The following NAALAD2 variants were observed in gnomAD, a reference collection of about 807,000 sequenced individuals.
NAALAD2 encodes N-acetylated alpha-linked acidic dipeptidase 2.
Under a neutral mutation model 95.6 loss-of-function variants are expected in NAALAD2, and 89 were observed. The ratio of observed to expected loss-of-function variants is 0.93; its 90% CI spans 0.78 to 1.11. NAALAD2 has a LOEUF of 1.11. NAALAD2 is among the 50% of genes least tolerant of loss of function. The pLI is 0.00. For missense variants in NAALAD2, 894 were observed against 872.4 expected (o/e 1.02, Z -0.31); for synonymous variants, 264 against 294.4 (o/e 0.90, Z 1.06).
chr11:90,186,299 AT>A (rs1857140416), intron 18 of NAALAD2, among the ~76,000 whole-genome samples: 1 of 151,646 alleles, frequency 6.6e-6, no homozygotes, highest in Non-Finnish European at 1.5e-5. Context: ...GTTCTTGGCG[AT>A]AGTTTACTGA....
At chr11:90,154,055 GTCTC>G (rs34657706) in intron 6 of NAALAD2, among the ~76,000 whole-genome samples, 5 of 131,598 alleles carry the variant, frequency 3.8e-5, no homozygotes, top group African/African-American at 8.4e-5. Flanking sequence ...CTCTCTCTCT[GTCTC>G]TCTCTCTCTT....
chr11:90,181,942 T>C (rs1952985703), intron 17 of NAALAD2, among the ~76,000 whole-genome samples: 1 of 148,348 alleles, frequency 6.7e-6, no homozygotes, highest in African/African-American at 2.5e-5. Context: ...CGCCCTTCAA[T>C]GATTTATACT....
At position 90,177,849 on chromosome 11, in the gene NAALAD2, TCAGA is replaced by T; in HGVS notation, c.1594-3_1594del. On this transcript the variant is annotated splice_acceptor_variant and splice_polypyrimidine_tract_variant and coding_sequence_variant and intron_variant, in exon 16 of 19. Coordinates refer to ENST00000534061, the MANE Select transcript of NAALAD2 (RefSeq NM_005467.4). LOFTEE classifies it high-confidence loss of function. ...TTATACTTGCCTCTCCATTTTTTTTTCAGAAAACAGATAAGTACAGCAGCTACCC... is the reference window on the plus strand; with the variant it reads ...TTATACTTGCCTCTCCATTTTTTTTTAAACAGATAAGTACAGCAGCTACCC... The T allele has an allele frequency of 6.3e-7, 1 of 1,594,554 alleles. No homozygotes were observed. Among genetic ancestry groups the T allele is most frequent in the Non-Finnish European group, 8.5e-7 (1 of 1,173,808 alleles).
At chr11:90,157,506 C>G (rs575290792) in intron 6 of NAALAD2, among the ~76,000 whole-genome samples, 174 of 152,002 alleles carry the variant, frequency 1.1e-3, no homozygotes, top group African/African-American at 4.1e-3. Flanking sequence ...GTTTCAGAAT[C>G]TGGGACACAT....
chr11:90,144,740 T>TAAAAAAAAAAAAAAAAAAAAAAAAAA (rs773275468), intron 2 of NAALAD2, among the ~76,000 whole-genome samples: 1 of 90,928 alleles, frequency 1.1e-5, no homozygotes. Context: ...AAAACTCCAT[T>TAAAAAAAAAAAAAAAAAAAAAAAAAA]AAAAAAAAAA....
chr11:90,161,343 A>G (rs1952292737), intron 8 of NAALAD2, among the ~76,000 whole-genome samples: 1 of 152,202 alleles, frequency 6.6e-6, no homozygotes, highest in African/African-American at 2.4e-5. Flanking sequence ...GAGCTGTAAA[A>G]CAGTCTAGTT....
chr11:90,171,984 AAAAAAGAAAGAAAAG>A (rs1697079789), intron 13 of NAALAD2, among the ~76,000 whole-genome samples: 2 of 106,584 alleles, frequency 1.9e-5, no homozygotes, highest in South Asian at 3.2e-4. Context: ...AATCCTGACA[AAAAAAGAAAGAAAAG>A]AAAAAAGAAA....
intron 8 of NAALAD2, among the ~76,000 whole-genome samples, 188 bp downstream of exon 8, chr11:90,159,525 G>A (rs1699420352): frequency 6.6e-6 from 1 of 152,034 alleles, no homozygotes; most frequent in Non-Finnish European, 1.5e-5. Flanking sequence ...CACAATATTA[G>A]TTTCACAGAA....
chr11:90,183,074 A>AAAGCC, intron 18 of NAALAD2, 66 bp downstream of exon 18: 6 of 1,184,096 alleles, frequency 5.1e-6, no homozygotes, highest in Non-Finnish European at 7.6e-6. Flanking sequence ...AGTTGGCTTT[A>AAAGCC]AACTAATGCC....
intron 18 of NAALAD2, among the ~76,000 whole-genome samples, chr11:90,189,942 AATC>A (rs1163462363): frequency 6.6e-6 from 1 of 152,144 alleles, no homozygotes; most frequent in Non-Finnish European, 1.5e-5. Context: ...AGGGTAATTA[AATC>A]ATCATATACT....
intron 2 of NAALAD2, among the ~76,000 whole-genome samples, chr11:90,146,507 C>T (rs1288222776): frequency 6.6e-6 from 1 of 150,920 alleles, no homozygotes; most frequent in Non-Finnish European, 1.5e-5. Context: ...TACAAGCACC[C>T]GCCACGACGC....
At chr11:90,190,392 G>C (rs770943882) in intron 18 of NAALAD2, among the ~76,000 whole-genome samples, 26 of 152,150 alleles carry the variant, frequency 1.7e-4, no homozygotes, top group Admixed American at 9.2e-4. Flanking sequence ...ACTCTAAGCA[G>C]AGTCTACATT....
intron 11 of NAALAD2, among the ~76,000 whole-genome samples, chr11:90,166,826 T>G (rs1398786850): frequency 7.1e-6 from 1 of 140,156 alleles, no homozygotes; most frequent in South Asian, 2.4e-4. Context: ...AAGAGCAAGA[T>G]TCTGTCTCCA....
chr11:90,178,176 C>A, intron 16 of NAALAD2, 59 bp downstream of exon 16: 1 of 1,493,700 alleles, frequency 6.7e-7, no homozygotes, highest in Non-Finnish European at 9.0e-7. Flanking sequence ...AAGATATTAT[C>A]TCCTATGATG....
chr11:90,178,592 A>G (rs1273168444), intron 16 of NAALAD2, among the ~76,000 whole-genome samples: 1 of 151,892 alleles, frequency 6.6e-6, no homozygotes, highest in Non-Finnish European at 1.5e-5. Context: ...AATGGCGTGA[A>G]CCTGGGAGGC....
At chr11:90,177,494 T>C (rs913575939) in intron 15 of NAALAD2, among the ~76,000 whole-genome samples, 25 of 150,842 alleles carry the variant, frequency 1.7e-4, no homozygotes, top group Admixed American at 1.1e-3. Context: ...TTAAAACCAG[T>C]GAATATTTGG....
intron 15 of NAALAD2, among the ~76,000 whole-genome samples, chr11:90,177,586 G>GTTTTTTTT: frequency 0.019 from 528 of 28,456 alleles, 196 homozygotes; most frequent in African/African-American, 0.022. Flanking sequence ...TCTTTTTCTT[G>GTTTTTTTT]TTTTTTTTTT....
Position 90,182,984 on chromosome 11 carries a change from G to A in NAALAD2, c.2009G>A (p.Gly670Asp), listed in dbSNP as rs1472327803. The change falls in exon 18 of 19, where the codon GGT becomes GAT. Residue 670 changes from glycine (G) to aspartate (D), a missense_variant. Coordinates refer to ENST00000534061, the MANE Select transcript of NAALAD2 (RefSeq NM_005467.4). Reference protein sequence around the residue: ...LLERAFIDPLGLPGKLFYRHI... With the variant: ...LLERAFIDPLDLPGKLFYRHI... ...GAAAGAGCATTCATCGATCCTCTTGGTTTACCAGGAAAGCTGTTCTATAGG... is the reference window on the plus strand; with the variant it reads ...GAAAGAGCATTCATCGATCCTCTTGATTTACCAGGAAAGCTGTTCTATAGG... 2.5e-6 allele frequency: 4 copies of A among 1,612,576 alleles called. No individual in the cohort carries two copies. The South Asian group carries it at 3.3e-5, about 13-fold the overall frequency.
chr11:90,167,068 G>A (rs1002253129), intron 11 of NAALAD2, among the ~76,000 whole-genome samples: 3 of 152,188 alleles, frequency 2.0e-5, no homozygotes, highest in Non-Finnish European at 4.4e-5. Context: ...GCGCCTCCTC[G>A]GCCTTGGCGC....
Sources: gnomAD v4.1 joint callset for allele counts (sites outside exome capture counted in the v4.1 genomes callset) on GRCh38, gnomAD v4.1.1 for gene constraint, MANE v1.5 for transcripts, NCBI Gene and HGNC (gene_info 2026-07-23, HGNC 2026-07-21) for gene names.